MACROD2: variants seen among roughly 807,000 people sequenced by gnomAD.
The protein encoded by MACROD2 is ADP-ribose glycohydrolase MACROD2.
In MACROD2, 36 loss-of-function variants were observed where a neutral mutation model predicts 70.4. That is an observed-to-expected ratio of 0.51 (90% CI 0.39 to 0.68). The LOEUF is 0.68. Ranked by LOEUF, MACROD2 falls within the 30% of genes least tolerant of loss-of-function variation. MACROD2 has a pLI of 0.00. For missense variants in MACROD2, 496 were observed against 538.4 expected (o/e 0.92, Z 0.78); for synonymous variants, 172 against 178.8 (o/e 0.96, Z 0.30).
intron 5 of MACROD2, among the ~76,000 whole-genome samples, chr20:15,147,703 G>A (rs908142094): frequency 3.9e-5 from 6 of 152,126 alleles, no homozygotes; most frequent in Non-Finnish European, 7.3e-5. Flanking sequence ...TTTCATGTGC[G>A]TCCGTGTGAA....
chr20:14,219,651 G>A (rs1180115310), intron 3 of MACROD2, among the ~76,000 whole-genome samples: 1 of 152,210 alleles, frequency 6.6e-6, no homozygotes, highest in Non-Finnish European at 1.5e-5. Context: ...TCTCATTTGG[G>A]TAGGCTCTGT....
intron 5 of MACROD2, among the ~76,000 whole-genome samples, chr20:15,213,569 G>C (rs1282742032): frequency 6.6e-6 from 1 of 152,108 alleles, no homozygotes; most frequent in African/African-American, 2.4e-5. Flanking sequence ...GAAACATGGA[G>C]TAAGTCACGT....
chr20:15,258,518 C>A (rs567127913), intron 6 of MACROD2, among the ~76,000 whole-genome samples: 82 of 152,204 alleles, frequency 5.4e-4, no homozygotes, highest in African/African-American at 1.6e-3. Context: ...AGGAAAGTAA[C>A]ATGCTGTTCA....
intron 5 of MACROD2, among the ~76,000 whole-genome samples, chr20:14,976,640 T>A (rs2074742128): frequency 6.6e-6 from 1 of 152,154 alleles, no homozygotes; most frequent in Non-Finnish European, 1.5e-5. Flanking sequence ...TTAGCCTACC[T>A]CGGTTGGTTT....
At chr20:15,984,947 A>G (rs1326441186) in intron 13 of MACROD2, among the ~76,000 whole-genome samples, 1 of 152,058 alleles carries the variant, frequency 6.6e-6, no homozygotes, top group Non-Finnish European at 1.5e-5. Context: ...GTCTAAAACT[A>G]GCTGTAACTG....
chr20:15,898,667 G>A (rs1159483861), intron 10 of MACROD2, among the ~76,000 whole-genome samples: 3 of 151,378 alleles, frequency 2.0e-5, no homozygotes, highest in African/African-American at 7.3e-5. Flanking sequence ...GAAGATGCAC[G>A]CTCAAACTTG....
chr20:15,936,663 A>ATC (rs1568653237), intron 11 of MACROD2, among the ~76,000 whole-genome samples: 1 of 35,904 alleles, frequency 2.8e-5, no homozygotes, highest in African/African-American at 5.7e-5. Flanking sequence ...CATAATGTGT[A>ATC]TATGTGTGTA....
chr20:15,350,693 G>T (rs1380752664), intron 6 of MACROD2, among the ~76,000 whole-genome samples: 1 of 152,010 alleles, frequency 6.6e-6, no homozygotes, highest in Non-Finnish European at 1.5e-5. Context: ...AGGTACCTAA[G>T]GACAACATGT....
chr20:15,275,656 G>A (rs2146077150), intron 6 of MACROD2, among the ~76,000 whole-genome samples: 1 of 152,286 alleles, frequency 6.6e-6, no homozygotes, highest in South Asian at 2.1e-4. Context: ...AGACTTTCAA[G>A]GAAGCTTGAA....
chr20:14,031,207 A>G (rs2053243367), intron 2 of MACROD2, among the ~76,000 whole-genome samples: 1 of 152,166 alleles, frequency 6.6e-6, no homozygotes, highest in South Asian at 2.1e-4. Context: ...TCTCTTAAAT[A>G]TTTCATGCAT....
At chr20:15,595,731 G>T (rs1422900977) in intron 8 of MACROD2, among the ~76,000 whole-genome samples, 2 of 152,110 alleles carry the variant, frequency 1.3e-5, no homozygotes, top group Non-Finnish European at 2.9e-5. Context: ...AAGTTAAAGT[G>T]GGAGAAAATA....
Position 16,025,642 on chromosome 20 carries a change from C to A in MACROD2, c.1154-15559C>A, listed in dbSNP as rs547342980. Among the ~76,000 whole-genome samples the A allele has an allele frequency of 3.3e-5, 5 of 149,514 alleles. No homozygotes were observed. The South Asian group carries it at 1.0e-3, about 31-fold the overall frequency. ...GCGGGTTGGGGGACATCATCACAGA[C>A]CCAACTGCTGTGGATTGACCTCTGC... On this transcript the variant is annotated intron_variant, in intron 15 of 17. Transcript: ENST00000684519.
chr20:16,042,908 C>G (rs1037702932), intron 16 of MACROD2, among the ~76,000 whole-genome samples: 12 of 152,046 alleles, frequency 7.9e-5, no homozygotes, highest in Admixed American at 7.2e-4. Flanking sequence ...AAGTCATTCT[C>G]TCTTTCAAGC....
chr20:14,415,497 C>T lies in MACROD2; in HGVS notation c.272-77982C>T, dbSNP rs182486384. ...AGAGAAAAGTTCTTTGTAAATCAGT[C>T]ACTCCCCTGATTTTCACTTGGAATT... On this transcript the variant is annotated intron_variant, in intron 3 of 17. Coordinates refer to ENST00000684519, the MANE Select transcript of MACROD2 (RefSeq NM_001351661.2). Among the ~76,000 whole-genome samples the T allele has an allele frequency of 2.0e-5, 3 of 152,262 alleles. No homozygotes were observed. In the East Asian group the frequency reaches 5.8e-4, roughly 29 times the overall value.
At chr20:15,800,140 TC>T (rs2063710996) in intron 8 of MACROD2, among the ~76,000 whole-genome samples, 1 of 152,208 alleles carries the variant, frequency 6.6e-6, no homozygotes, top group South Asian at 2.1e-4. Flanking sequence ...ATTCTTTGTT[TC>T]TTTTTGCTGT....
intron 6 of MACROD2, among the ~76,000 whole-genome samples, chr20:15,429,582 T>C (rs1203866440): frequency 2.6e-5 from 4 of 152,060 alleles, no homozygotes; most frequent in Admixed American, 1.3e-4. Context: ...TATGCAATAG[T>C]GTTAATAGAA....
rs1403834608 is a variant in MACROD2, at chr20:15,987,151, T to C, written c.1146T>C (p.Gly382=). ...CAGAGGACCAAGAAGAAAAAGAAGG[T>C]GAAAAAGGTAGGACTGCTCTTAAAT... The part of the protein sequence containing the change: ...PLTEDQEEKE[G]EKAPGEDTPR... The change falls in exon 15 of 18, where the codon GGT becomes GGC. Residue 382 remains glycine, a synonymous_variant. Coordinates refer to ENST00000684519, the MANE Select transcript of MACROD2 (RefSeq NM_001351661.2). 1 of 1,608,666 alleles carries C rather than the reference T, an allele frequency of 6.2e-7. No homozygotes were observed. The highest frequency in any genetic ancestry group is 8.5e-7 in the Non-Finnish European group (1 of 1,178,416).
intron 5 of MACROD2, among the ~76,000 whole-genome samples, chr20:15,099,957 AAAAG>A (rs1450800245): frequency 6.6e-6 from 1 of 151,788 alleles, no homozygotes; most frequent in Non-Finnish European, 1.5e-5. Flanking sequence ...ATTCAAAAGA[AAAAG>A]AAAAAAAAAG....
chr20:14,708,068 CACA>C (rs1005860265), intron 5 of MACROD2, among the ~76,000 whole-genome samples: 41 of 152,098 alleles, frequency 2.7e-4, no homozygotes, highest in African/African-American at 9.4e-4. Context: ...GTAAAAGAGA[CACA>C]ACAATAGTGA....
Sources: gnomAD v4.1 joint callset for allele counts (sites outside exome capture counted in the v4.1 genomes callset) on GRCh38, gnomAD v4.1.1 for gene constraint, MANE v1.5 for transcripts, NCBI Gene and HGNC (gene_info 2026-07-23, HGNC 2026-07-21) for gene names.